Variants in SPATA17 observed in about 807,000 individuals in gnomAD.
The protein encoded by SPATA17 is spermatogenesis associated 17.
SPATA17 carries 53 observed loss-of-function variants against 62.2 expected under a neutral mutation model. The ratio of observed to expected loss-of-function variants is 0.85; its 90% CI spans 0.68 to 1.07. The LOEUF (loss-of-function observed/expected upper bound fraction) is 1.07, where lower values mean the gene tolerates loss of function less well. Ranked by LOEUF, SPATA17 falls within the 50% of genes least tolerant of loss-of-function variation. The pLI is 0.00. For missense variants in SPATA17, 466 were observed against 425.5 expected, an observed-to-expected ratio of 1.10 and a Z score of -0.84; for synonymous variants, 146 against 146.8, an observed-to-expected ratio of 0.99 and a Z score of 0.04.
At chr1:217,698,335 G>A (rs1192194726) in intron 5 of SPATA17, among the ~76,000 whole-genome samples, 1 of 152,080 alleles carries the variant, frequency 6.6e-6, no homozygotes, top group Admixed American at 6.5e-5. Context: ...TCGGGAGGCT[G>A]AGGCAGGAGA....
intron 1 of SPATA17, among the ~76,000 whole-genome samples, chr1:217,636,131 C>CAAAAAAAAAAAAAAA (rs397982927): frequency 9.8e-6 from 1 of 101,658 alleles, no homozygotes; most frequent in Non-Finnish European, 1.9e-5. Context: ...GACTCCGTCT[C>CAAAAAAAAAAAAAAA]AAAAAAAAAA....
chr1:217,834,477 C>T (rs963456310), intron 9 of SPATA17, among the ~76,000 whole-genome samples: 3 of 151,858 alleles, frequency 2.0e-5, no homozygotes, highest in East Asian at 1.9e-4. Context: ...AAGATGGTGA[C>T]GTAGATGATC....
At chr1:217,793,649 T>G (rs1434842949) in intron 8 of SPATA17, among the ~76,000 whole-genome samples, 1 of 152,094 alleles carries the variant, frequency 6.6e-6, no homozygotes, top group Non-Finnish European at 1.5e-5. Flanking sequence ...TATGCCCAGG[T>G]GATTCAAATG....
intron 2 of SPATA17, among the ~76,000 whole-genome samples, chr1:217,650,255 T>C (rs1028040714): frequency 1.3e-4 from 19 of 151,812 alleles, no homozygotes; most frequent in African/African-American, 4.4e-4. Flanking sequence ...ACTTCTCTTT[T>C]GGCCACTATA....
intron 5 of SPATA17, among the ~76,000 whole-genome samples, chr1:217,710,463 A>T (rs2102926095): frequency 6.6e-6 from 1 of 152,248 alleles, no homozygotes; most frequent in South Asian, 2.1e-4. Context: ...TAATGCTTAA[A>T]TATAGTTGCT....
intron 4 of SPATA17, 49 bp from the exon 5 acceptor site, chr1:217,683,209 T>A: frequency 7.5e-7 from 1 of 1,336,734 alleles, no homozygotes; most frequent in Non-Finnish European, 1.0e-6. Flanking sequence ...ATTACATTTT[T>A]AATAAAAGTG....
At chr1:217,700,423 T>A (rs1671567399) in intron 5 of SPATA17, among the ~76,000 whole-genome samples, 1 of 152,202 alleles carries the variant, frequency 6.6e-6, no homozygotes, top group Non-Finnish European at 1.5e-5. Flanking sequence ...GATTTAAGCC[T>A]ATTTTTAGTT....
intron 3 of SPATA17, among the ~76,000 whole-genome samples, chr1:217,666,886 A>G (rs1670708458): frequency 6.6e-6 from 1 of 152,130 alleles, no homozygotes; most frequent in African/African-American, 2.4e-5. Context: ...TGTGGTATCA[A>G]TTAGTGGTTC....
chr1:217,723,414 A>G (rs1293289973), intron 5 of SPATA17, among the ~76,000 whole-genome samples: 1 of 152,118 alleles, frequency 6.6e-6, no homozygotes, highest in Non-Finnish European at 1.5e-5. Flanking sequence ...TCTTCAGAGA[A>G]ATCTTTCCTA....
chr1:217,689,133 T>C (rs1424512111), intron 5 of SPATA17, among the ~76,000 whole-genome samples: 2 of 152,000 alleles, frequency 1.3e-5, no homozygotes, highest in Non-Finnish European at 2.9e-5. Flanking sequence ...ATTAACACGG[T>C]AGATTCGAGC....
chr1:217,747,985 A>G (rs1672804620), intron 6 of SPATA17, among the ~76,000 whole-genome samples: 1 of 152,208 alleles, frequency 6.6e-6, no homozygotes, highest in Admixed American at 6.5e-5. Context: ...TCATATTTGT[A>G]TAGAGAAAGA....
intron 7 of SPATA17, among the ~76,000 whole-genome samples, chr1:217,778,527 T>A (rs1284647312): frequency 2.0e-5 from 3 of 151,794 alleles, no homozygotes; most frequent in African/African-American, 4.8e-5. Context: ...TCCCAAAAAA[T>A]AATAATAATA....
intron 9 of SPATA17, among the ~76,000 whole-genome samples, chr1:217,803,147 G>C (rs7522750): frequency 0.73 from 111,087 of 152,072 alleles, 41,270 homozygotes; most frequent in Non-Finnish European, 0.8. Context: ...CTCCTGACCT[G>C]GTGATCTGCC....
At chr1:217,712,932 C>G (rs1448203678) in intron 5 of SPATA17, among the ~76,000 whole-genome samples, 1 of 152,136 alleles carries the variant, frequency 6.6e-6, no homozygotes, top group Admixed American at 6.5e-5. Context: ...GACGTTCACT[C>G]CCCGAACCTT....
chr1:217,671,000 G>T (rs2102898097), intron 4 of SPATA17, among the ~76,000 whole-genome samples: 1 of 147,606 alleles, frequency 6.8e-6, no homozygotes, highest in East Asian at 2.0e-4. Context: ...TTCTGTTTTA[G>T]AAACAGCTTA....
intron 9 of SPATA17, among the ~76,000 whole-genome samples, chr1:217,836,725 C>T (rs1218424814): frequency 6.6e-6 from 1 of 152,112 alleles, no homozygotes; most frequent in Non-Finnish European, 1.5e-5. Flanking sequence ...CCAGCCTTCT[C>T]GGCTCCTCCC....
At chr1:217,755,762 A>C (rs1041491085) in intron 6 of SPATA17, among the ~76,000 whole-genome samples, 2 of 151,964 alleles carry the variant, frequency 1.3e-5, no homozygotes, top group African/African-American at 2.4e-5. Context: ...AATGTTAATT[A>C]TTTATATTTA....
chr1:217,631,561 C>T, intron 1 of SPATA17, 115 bp downstream of exon 1: 2 of 1,014,134 alleles, frequency 2.0e-6, no homozygotes, highest in Non-Finnish European at 1.5e-6. Context: ...TTAAGTAGTA[C>T]CCAATTCTTC....
intron 9 of SPATA17, among the ~76,000 whole-genome samples, chr1:217,816,158 A>G (rs1005713806): frequency 6.6e-6 from 1 of 152,078 alleles, no homozygotes; most frequent in African/African-American, 2.4e-5. Context: ...TATAGGGGGA[A>G]TTGACTTTTA....
Sources: gnomAD v4.1 joint callset for allele counts (sites outside exome capture counted in the v4.1 genomes callset) on GRCh38, gnomAD v4.1.1 for gene constraint, MANE v1.5 for transcripts, NCBI Gene and HGNC (gene_info 2026-07-23, HGNC 2026-07-21) for gene names.